The following FAM174A variants were observed in gnomAD, a reference collection of about 807,000 sequenced individuals.
The protein encoded by FAM174A is membrane protein FAM174A.
A neutral mutation model predicts 14.3 loss-of-function variants in FAM174A; 14 were observed. The observed-to-expected ratio is 0.98, with a 90% CI of 0.65 to 1.53. The LOEUF (loss-of-function observed/expected upper bound fraction) is 1.53. Among genes scored for constraint, FAM174A ranks in the 40% most tolerant of loss-of-function variants. FAM174A has a pLI of 0.00. For missense variants in FAM174A, 241 were observed against 249.6 expected (o/e 0.97, Z 0.23); for synonymous variants, 108 against 111.4 (o/e 0.97, Z 0.19).
At chr5:100,581,746 A>G (rs1340918203) in intron 2 of FAM174A, among the ~76,000 whole-genome samples, 2 of 152,192 alleles carry the variant, frequency 1.3e-5, no homozygotes, top group Non-Finnish European at 2.9e-5. Flanking sequence ...AACAGCATGA[A>G]AACATCCAGA....
At chr5:100,586,159 T>A in intron 2 of FAM174A, 22 bp from the exon 3 acceptor site, 2 of 1,283,642 alleles carry the variant, frequency 1.6e-6, no homozygotes, top group Non-Finnish European at 2.2e-6. Context: ...ATATTTATGG[T>A]ATTTTTTTCT....
intron 1 of FAM174A, among the ~76,000 whole-genome samples, chr5:100,553,140 A>T (rs1029409726): frequency 6.6e-6 from 1 of 152,104 alleles, no homozygotes; most frequent in African/African-American, 2.4e-5. Context: ...GCCTAATGAC[A>T]TTCATTTGTA....
intron 2 of FAM174A, among the ~76,000 whole-genome samples, chr5:100,571,691 T>TATAC (rs1320690709): frequency 6.8e-5 from 10 of 146,600 alleles, no homozygotes; most frequent in African/African-American, 2.2e-4. Context: ...TATATATATA[T>TATAC]ACACACACAC....
At chr5:100,543,301 A>G (rs182001197) in intron 1 of FAM174A, among the ~76,000 whole-genome samples, 207 of 152,146 alleles carry the variant, frequency 1.4e-3, no homozygotes, top group African/African-American at 4.8e-3. Flanking sequence ...TATTTTTTAT[A>G]GAAATTTGGT....
At chr5:100,561,926 A>G in intron 1 of FAM174A, 128 bp from the exon 2 acceptor site, 7 of 510,210 alleles carry the variant, frequency 1.4e-5, no homozygotes, top group South Asian at 5.5e-5. Context: ...AATTTGTTGC[A>G]TATCTGAAAT....
intron 2 of FAM174A, among the ~76,000 whole-genome samples, chr5:100,563,400 C>CA (rs35690521): frequency 0.24 from 33,803 of 143,790 alleles, 4,035 homozygotes; most frequent in Admixed American, 0.35. Flanking sequence ...TCTCTTGAGA[C>CA]AAAAAAAAAA....
intron 1 of FAM174A, among the ~76,000 whole-genome samples, chr5:100,556,550 G>C (rs1352723197): frequency 1.3e-5 from 2 of 152,048 alleles, no homozygotes; most frequent in East Asian, 3.8e-4. Context: ...CCATTTTCAC[G>C]ATATTGATTC....
chr5:100,535,383 T>A lies in FAM174A; in HGVS notation c.-148T>A. The A allele has an allele frequency of 1.2e-6, 1 of 805,656 alleles. No individual in the cohort carries two copies. The highest frequency in any genetic ancestry group is 1.7e-5 in the South Asian group (1 of 59,262). The allele number at this position is 805,656 out of a possible 1,614,324, so 49.9% of individuals were successfully genotyped here. A position where few individuals can be genotyped will look rare whatever the true frequency, so the allele number is the denominator to read the frequency against. Reference sequence around the variant, plus strand: ...TTCCGGTTCTCCGGGCAGCTGCCACTGCTGTAGCTTCTGCCACCTGCCACG... The same window carrying A: ...TTCCGGTTCTCCGGGCAGCTGCCACAGCTGTAGCTTCTGCCACCTGCCACG... On this transcript the variant is annotated 5_prime_UTR_variant, in exon 1 of 3. Coordinates refer to ENST00000312637, the MANE Select transcript of FAM174A (RefSeq NM_198507.3).
chr5:100,562,290 C>T, intron 2 of FAM174A, 102 bp downstream of exon 2: 1 of 1,095,650 alleles, frequency 9.1e-7, no homozygotes, highest in Non-Finnish European at 1.3e-6. Context: ...TATATTCCAA[C>T]ACAGTTTCTT....
At chr5:100,551,350 C>T (rs552009340) in intron 1 of FAM174A, among the ~76,000 whole-genome samples, 226 of 152,166 alleles carry the variant, frequency 1.5e-3, no homozygotes, top group Admixed American at 5.6e-3. Context: ...TGTCCCTAGC[C>T]GATGACTGAG....
At chr5:100,560,220 C>T (rs1003722056) in intron 1 of FAM174A, among the ~76,000 whole-genome samples, 1 of 152,082 alleles carries the variant, frequency 6.6e-6, no homozygotes, top group African/African-American at 2.4e-5. Flanking sequence ...CCACTCCAGA[C>T]CCTGTTTGCC....
chr5:100,560,505 A>T (rs1746501838), intron 1 of FAM174A, among the ~76,000 whole-genome samples: 2 of 152,036 alleles, frequency 1.3e-5, no homozygotes, highest in Non-Finnish European at 2.9e-5. Flanking sequence ...AGATAGCTCT[A>T]TAGGTAATGA....
At chr5:100,582,464 T>C (rs1310529198) in intron 2 of FAM174A, among the ~76,000 whole-genome samples, 1 of 151,374 alleles carries the variant, frequency 6.6e-6, no homozygotes, top group Non-Finnish European at 1.5e-5. Context: ...TTGTAAAATA[T>C]GCACATTTTG....
chr5:100,581,576 C>G (rs1001483933), intron 2 of FAM174A, among the ~76,000 whole-genome samples: 1 of 152,152 alleles, frequency 6.6e-6, no homozygotes, highest in Non-Finnish European at 1.5e-5. Flanking sequence ...GCTGGAAGAC[C>G]ATGCTTAAGG....
chr5:100,579,479 C>T (rs1465793595), intron 2 of FAM174A, among the ~76,000 whole-genome samples: 3 of 151,856 alleles, frequency 2.0e-5, no homozygotes, highest in Non-Finnish European at 2.9e-5. Flanking sequence ...GGCTGGAGTG[C>T]GATGGCACGA....
intron 2 of FAM174A, among the ~76,000 whole-genome samples, chr5:100,567,440 C>T (rs1440670750): frequency 1.3e-5 from 2 of 151,734 alleles, no homozygotes; most frequent in African/African-American, 4.8e-5. Context: ...GAGAGGTTAA[C>T]AGTTTATTTT....
intron 1 of FAM174A, among the ~76,000 whole-genome samples, chr5:100,552,722 A>C (rs1427940088): frequency 6.6e-6 from 1 of 152,084 alleles, no homozygotes; most frequent in Non-Finnish European, 1.5e-5. Context: ...ACTTATATAC[A>C]TGTTATTGGA....
At chr5:100,573,606 C>T (rs868496853) in intron 2 of FAM174A, among the ~76,000 whole-genome samples, 3 of 151,480 alleles carry the variant, frequency 2.0e-5, no homozygotes, top group African/African-American at 2.4e-5. Flanking sequence ...ACATTCCATG[C>T]TCAAGGGTAG....
intron 1 of FAM174A, among the ~76,000 whole-genome samples, chr5:100,551,988 T>A (rs529265087): frequency 6.6e-6 from 1 of 152,170 alleles, no homozygotes; most frequent in East Asian, 1.9e-4. Context: ...CTTCAACATA[T>A]GAATTTTTGG....
Sources: allele counts gnomAD v4.1 joint callset (sites outside exome capture counted in the v4.1 genomes callset), GRCh38; gene constraint gnomAD v4.1.1; transcripts MANE v1.5; gene names NCBI Gene and HGNC (gene_info 2026-07-23, HGNC 2026-07-21).